The following MCM8 variants were observed in gnomAD, a reference collection of about 807,000 sequenced individuals.
MCM8 encodes DNA helicase MCM8.
In MCM8, 85 loss-of-function variants were observed where a neutral mutation model predicts 98.9. The ratio of observed to expected loss-of-function variants is 0.86; its 90% confidence interval spans 0.72 to 1.03. The LOEUF (loss-of-function observed/expected upper bound fraction) is 1.03, where lower values mean the gene tolerates loss of function less well. Among genes scored for constraint, MCM8 ranks in the 50% least tolerant of loss-of-function variants. The pLI is 0.00. For missense variants in MCM8, 951 were observed against 997.8 expected (o/e 0.95, Z 0.63); for synonymous variants, 352 against 338.6 (o/e 1.04, Z -0.44).
intron 12 of MCM8, among the ~76,000 whole-genome samples, chr20:5,976,571 AAAAT>A (rs1449344029): frequency 2.0e-5 from 3 of 152,214 alleles, no homozygotes; most frequent in Admixed American, 1.3e-4. Flanking sequence ...CAGTTACAAA[AAAAT>A]AAACAGTTCC....
intron 3 of MCM8, among the ~76,000 whole-genome samples, chr20:5,952,841 A>C (rs2088869459): frequency 6.6e-6 from 1 of 152,262 alleles, no homozygotes; most frequent in South Asian, 2.1e-4. Context: ...AGGAAGCAGC[A>C]ACCATCCTTA....
intron 11 of MCM8, 52 bp from the exon 12 acceptor site, chr20:5,973,004 T>C: frequency 6.3e-7 from 1 of 1,591,502 alleles, no homozygotes; most frequent in Non-Finnish European, 8.6e-7. Flanking sequence ...CCTTTACTAG[T>C]CACCTTTATG....
chr20:5,959,606 A>G (rs2089083569), intron 7 of MCM8, among the ~76,000 whole-genome samples: 1 of 151,214 alleles, frequency 6.6e-6, no homozygotes, highest in African/African-American at 2.4e-5. Flanking sequence ...TGCTCTTTCC[A>G]GTTTTTTATA....
At chr20:5,993,911 G>A (rs541212495) in intron 18 of MCM8, 123 of 424,114 alleles carry the variant, frequency 2.9e-4, no homozygotes, top group Admixed American at 5.4e-4. Context: ...ATCTTTTAAC[G>A]TTGCATCCCT....
intron 8 of MCM8, chr20:5,965,304 C>G (rs1307080949): frequency 6.6e-6 from 1 of 152,184 alleles, no homozygotes; most frequent in Non-Finnish European, 1.5e-5. Flanking sequence ...GTTTATCCCC[C>G]CTTAGCAAAA....
chr20:5,952,852 T>C (rs929899141), intron 3 of MCM8, among the ~76,000 whole-genome samples: 1 of 152,250 alleles, frequency 6.6e-6, no homozygotes, highest in African/African-American at 2.4e-5. Context: ...ACCATCCTTA[T>C]GGCTAAGAGA....
Position 5,957,197 on chromosome 20 carries a change from A to G in MCM8, c.558A>G (p.Glu186=). Residue 186 remains glutamate (E), a synonymous_variant, in exon 6 of 19, where the codon GAA becomes GAG. Transcript: ENST00000610722. ...QAQEGLSNDG[E]TMVNVPHIHA... ...AGGAAGGATTGTCTAATGATGGAGA[A>G]ACAATGGTAAATGTGCCACATATTC... 6.2e-7 allele frequency: 1 copy of G among 1,613,616 alleles called. No homozygotes were observed. Among genetic ancestry groups the G allele is most frequent in the South Asian group, 1.1e-5 (1 of 91,028 alleles).
rs192960521 is a variant in MCM8 at position 5,976,178 on chromosome 20, G to C, written c.1396-1698G>C. Among the ~76,000 whole-genome samples the C allele has an allele frequency of 6.2e-4, 94 of 152,266 alleles. 1 individual carries two copies. Among genetic ancestry groups the C allele is most frequent in the African/African-American group, 2.2e-3 (90 of 41,550 alleles). On this transcript the variant is annotated intron_variant, in intron 12 of 18. Transcript: ENST00000610722. ...GTGGTGGCATGTGCCTATAGTCCCA[G>C]CTACTCAGGAGGCTGAAGTGGGAGA...
chr20:5,975,496 T>A (rs2089490190), intron 12 of MCM8, among the ~76,000 whole-genome samples: 1 of 136,170 alleles, frequency 7.3e-6, no homozygotes, highest in Non-Finnish European at 1.5e-5. Flanking sequence ...CTTTTTTTGC[T>A]CTTTTTTTTT....
intron 10 of MCM8, among the ~76,000 whole-genome samples, chr20:5,969,702 A>G (rs2089360389): frequency 6.6e-6 from 1 of 152,042 alleles, no homozygotes; most frequent in African/African-American, 2.4e-5. Flanking sequence ...TAATTAGCTG[A>G]CTGAGTAAAG....
chr20:5,994,857 C>A lies in MCM8; in HGVS notation c.*466C>A. On this transcript the variant is annotated 3_prime_UTR_variant, in exon 19 of 19. Coordinates refer to ENST00000610722, the MANE Select transcript of MCM8 (RefSeq NM_032485.6). ...CCAGGAGTTTGAGGTTACAGTGAGC[C>A]ACAATCACACCAATCACTGCACTCC... 1 of 339,404 alleles carries A rather than the reference C, an allele frequency of 2.9e-6. No homozygotes were observed. The highest frequency in any genetic ancestry group is 5.9e-6 in the Non-Finnish European group (1 of 170,908). The allele number at this position is 339,404 out of a possible 1,614,324, so 21.0% of individuals were successfully genotyped here. A position where few individuals can be genotyped will look rare whatever the true frequency, so the allele number is the denominator to read the frequency against.
chr20:5,984,909 G>A lies in MCM8; in HGVS notation c.1862G>A (p.Ser621Asn), dbSNP rs1482431297. Residue 621 changes from serine (S) to asparagine (N), a missense_variant, in exon 15 of 19, where the codon AGC (serine) becomes AAC (asparagine). Ser to Asn is a conservative substitution (Grantham distance 46). Transcript: ENST00000610722. ...AIRAGKQRTISSATVARMNSQ... is the reference protein window; with the variant it reads ...AIRAGKQRTINSATVARMNSQ... Reference sequence around the variant, plus strand: ...AGAGCTGGAAAGCAGAGAACCATTAGCAGTGCCACAGTAGCTCGTATGAAT... The same window carrying A: ...AGAGCTGGAAAGCAGAGAACCATTAACAGTGCCACAGTAGCTCGTATGAAT... 6.2e-7 allele frequency: 1 copy of A among 1,614,100 alleles called. No individual in the cohort carries two copies. Among genetic ancestry groups the A allele is most frequent in the South Asian group, 1.1e-5 (1 of 91,078 alleles).
chr20:5,983,765 G>A (rs1047820519), intron 14 of MCM8, among the ~76,000 whole-genome samples: 5 of 152,170 alleles, frequency 3.3e-5, no homozygotes, highest in Non-Finnish European at 5.9e-5. Flanking sequence ...ACCCCTTGGT[G>A]TGTTGATCAC....
chr20:5,951,971 T>C (rs371177890), intron 1 of MCM8, 40 bp from the exon 2 acceptor site: 13 of 1,568,384 alleles, frequency 8.3e-6, no homozygotes, highest in Non-Finnish European at 1.0e-5. Flanking sequence ...CTATTTTCCT[T>C]ACAGTTTTGG....
In MCM8 at chr20:5,997,185, CTT is replaced by C. The variant is rs71334371; in HGVS notation, c.*2809_*2810del. On this transcript the variant is annotated 3_prime_UTR_variant, in exon 19 of 19. Transcript: ENST00000610722. Reference sequence around the variant, plus strand: ...GAAAGTTTCTTTTTTTTTCTTTTTTCTTTTTTTTTTTTTTTTGAGACAGAGTT... The same window carrying C: ...GAAAGTTTCTTTTTTTTTCTTTTTTCTTTTTTTTTTTTTTGAGACAGAGTT... 69 of 134,816 alleles carry C rather than the reference CTT, an allele frequency of 5.1e-4. No homozygotes were observed. The highest frequency in any genetic ancestry group is 8.0e-4 in the Non-Finnish European group (52 of 64,688). 8.4% of individuals were successfully genotyped at this position (134,816 alleles called of 1,614,324 possible). A position where few individuals can be genotyped will look rare whatever the true frequency, so the allele number is the denominator to read the frequency against.
At position 5,952,564 on chromosome 20, in the gene MCM8, C is replaced by T. The variant is rs372283520; in HGVS notation, c.253+36C>T. ...AAAAGTACAAAAAAGCACCATAAAT[C>T]ATATTTTCTTAACTTGTCTTTGGAT... On this transcript the variant is annotated intron_variant, in intron 3 of 18. Coordinates refer to ENST00000610722, the MANE Select transcript of MCM8 (RefSeq NM_032485.6). The T allele has an allele frequency of 2.4e-4, 364 of 1,543,994 alleles. 1 individual carries two copies. The African/African-American group carries it at 4.7e-3, about 20-fold the overall frequency.
At chr20:5,992,638 G>A (rs1048797536) in intron 17 of MCM8, among the ~76,000 whole-genome samples, 1 of 151,978 alleles carries the variant, frequency 6.6e-6, no homozygotes, top group South Asian at 2.1e-4. Context: ...TTTGCATAAC[G>A]TAGGCTTTTA....
In MCM8 at chr20:5,973,129, C is replaced by T. The variant is rs1480630563; in HGVS notation, c.1328C>T (p.Pro443Leu). Reference protein sequence around the residue: ...QKYADDKNRIPIRGDPHILVV... With the variant: ...QKYADDKNRILIRGDPHILVV... ...TACGCAGATGACAAAAACAGAATTC[C>T]AATTCGGGGAGACCCCCACATCCTT... is the stretch of plus-strand genomic sequence containing the variant. The change falls in exon 12 of 19, where the codon CCA becomes CTA. Residue 443 changes from proline to leucine, a missense_variant. Pro to Leu is a moderately conservative substitution (Grantham distance 98). Coordinates refer to ENST00000610722, the MANE Select transcript of MCM8 (RefSeq NM_032485.6). 1.2e-6 allele frequency: 2 copies of T among 1,614,182 alleles called. No homozygotes were observed. The highest frequency in any genetic ancestry group is 1.7e-5 in the Admixed American group (1 of 60,026).
chr20:5,955,461 A>G (rs1174295576), intron 5 of MCM8, among the ~76,000 whole-genome samples: 1 of 152,192 alleles, frequency 6.6e-6, no homozygotes, highest in African/African-American at 2.4e-5. Flanking sequence ...CAGCTTATCT[A>G]AATGAAATAT....
Sources: gnomAD v4.1 joint callset for allele counts (sites outside exome capture counted in the v4.1 genomes callset) on GRCh38, gnomAD v4.1.1 for gene constraint, MANE v1.5 for transcripts, NCBI Gene and HGNC (gene_info 2026-07-23, HGNC 2026-07-21) for gene names.